The following TRAPPC9 variants were observed in gnomAD, a reference collection of about 807,000 sequenced individuals.
The protein encoded by TRAPPC9 is IKK2 binding protein.
Under a neutral mutation model 124.0 loss-of-function variants are expected in TRAPPC9, and 83 were observed. That is an observed-to-expected ratio of 0.67 (90% CI 0.56 to 0.80). The LOEUF (loss-of-function observed/expected upper bound fraction) is 0.80. Among genes scored for constraint, TRAPPC9 ranks in the 30% least tolerant of loss-of-function variants. The pLI is 0.00. For synonymous variants in TRAPPC9, 638 were observed against 617.5 expected, an observed-to-expected ratio of 1.03 and a Z score of -0.49; for missense variants, 1,302 against 1,508.3, an observed-to-expected ratio of 0.86 and a Z score of 2.27.
chr8:140,416,289 T>C (rs2069925368), intron 5 of TRAPPC9, among the ~76,000 whole-genome samples: 1 of 152,122 alleles, frequency 6.6e-6, no homozygotes, highest in South Asian at 2.1e-4. Flanking sequence ...TTTAGATGAG[T>C]TGGGCAAATT....
intron 21 of TRAPPC9, among the ~76,000 whole-genome samples, chr8:139,819,003 G>A (rs1825061395): frequency 6.6e-6 from 1 of 152,240 alleles, no homozygotes; most frequent in Admixed American, 6.5e-5. Flanking sequence ...ACCGGTCTAT[G>A]TCCCGTTAGG....
intron 18 of TRAPPC9, chr8:140,008,683 A>G (rs1353468398): frequency 2.0e-5 from 3 of 152,344 alleles, no homozygotes; most frequent in Non-Finnish European, 2.9e-5. Flanking sequence ...TGTTGTGACC[A>G]CCTGCCACCT....
At chr8:139,931,592 C>CG (rs1466848670) in intron 19 of TRAPPC9, 1 of 152,248 alleles carries the variant, frequency 6.6e-6, no homozygotes, top group African/African-American at 2.4e-5. Flanking sequence ...CTGGGCCCCG[C>CG]GGTCTGGAAA....
At chr8:140,329,360 C>T (rs2131990473) in intron 9 of TRAPPC9, among the ~76,000 whole-genome samples, 1 of 152,270 alleles carries the variant, frequency 6.6e-6, no homozygotes, top group South Asian at 2.1e-4. Flanking sequence ...AACTTTCATC[C>T]ATGCAGGAAC....
At chr8:139,823,057 A>G (rs1263711730) in intron 21 of TRAPPC9, among the ~76,000 whole-genome samples, 2 of 152,170 alleles carry the variant, frequency 1.3e-5, no homozygotes, top group Non-Finnish European at 2.9e-5. Flanking sequence ...TGATTGACTC[A>G]GGCCCCATCC....
At chr8:139,923,588 C>T (rs566333199) in intron 19 of TRAPPC9, among the ~76,000 whole-genome samples, 1 of 150,804 alleles carries the variant, frequency 6.6e-6, no homozygotes, top group Non-Finnish European at 1.5e-5. Context: ...CTCCTTCTCT[C>T]CCTGTGCTTC....
At chr8:140,088,318 C>T (rs1844335324) in intron 17 of TRAPPC9, among the ~76,000 whole-genome samples, 1 of 152,122 alleles carries the variant, frequency 6.6e-6, no homozygotes, top group Admixed American at 6.5e-5. Context: ...GATAGTTATG[C>T]AAGAAATGTG....
chr8:140,367,186 T>A (rs764080048), intron 8 of TRAPPC9, among the ~76,000 whole-genome samples: 1 of 152,150 alleles, frequency 6.6e-6, no homozygotes, highest in Non-Finnish European at 1.5e-5. Flanking sequence ...AGTAAACATA[T>A]TTTTACCATA....
intron 17 of TRAPPC9, among the ~76,000 whole-genome samples, chr8:140,107,825 G>A (rs6995104): frequency 0.78 from 117,893 of 152,084 alleles, 46,220 homozygotes; most frequent in African/African-American, 0.9. Context: ...TGGGGGTCAC[G>A]GAGGCAGCAC....
At chr8:140,152,179 G>T (rs1028855038) in intron 17 of TRAPPC9, among the ~76,000 whole-genome samples, 61 of 141,560 alleles carry the variant, frequency 4.3e-4, no homozygotes, top group African/African-American at 1.6e-3. Context: ...AATACATGTT[G>T]ACTATTCATT....
At chr8:140,225,270 T>G (rs544912990) in intron 16 of TRAPPC9, among the ~76,000 whole-genome samples, 1 of 152,166 alleles carries the variant, frequency 6.6e-6, no homozygotes, top group Non-Finnish European at 1.5e-5. Flanking sequence ...TTGTAAGCCC[T>G]CAGTAAATAG....
intron 18 of TRAPPC9, among the ~76,000 whole-genome samples, chr8:139,995,033 A>C (rs1837878881): frequency 6.6e-6 from 1 of 152,230 alleles, no homozygotes; most frequent in South Asian, 2.1e-4. Flanking sequence ...GAGTAAGCAC[A>C]ATCTACCCTG....
chr8:139,839,049 G>A (rs780416209), intron 21 of TRAPPC9, among the ~76,000 whole-genome samples: 3 of 152,198 alleles, frequency 2.0e-5, no homozygotes, highest in Non-Finnish European at 4.4e-5. Flanking sequence ...CCTGAATAAC[G>A]CCAGACGGTA....
intron 15 of TRAPPC9, among the ~76,000 whole-genome samples, chr8:140,273,061 T>C (rs1392098709): frequency 6.6e-6 from 1 of 152,190 alleles, no homozygotes; most frequent in Non-Finnish European, 1.5e-5. Flanking sequence ...GGTACCATTC[T>C]TAGTGTTATT....
rs185258598 is a variant in TRAPPC9 at position 139,910,424 on chromosome 8, C to T, written c.2811-124G>A. 377 of 1,033,538 alleles carry T rather than the reference C, an allele frequency of 3.6e-4. No individual in the cohort carries two copies. The African/African-American group carries it at 4.6e-3, about 13-fold the overall frequency. 64.0% of individuals were successfully genotyped at this position (1,033,538 alleles called of 1,614,324 possible). A position where few individuals can be genotyped will look rare whatever the true frequency, so the allele number is the denominator to read the frequency against. On this transcript the variant is annotated intron_variant, in intron 19 of 22. Transcript: ENST00000438773. ...AATCATTATCGTTAGTAATTCATAACGGATTCATTCCAAGAAAATGAAATA... is the reference window on the plus strand; with the variant it reads ...AATCATTATCGTTAGTAATTCATAATGGATTCATTCCAAGAAAATGAAATA...
At chr8:139,981,184 T>C (rs1342333461) in intron 19 of TRAPPC9, among the ~76,000 whole-genome samples, 1 of 152,130 alleles carries the variant, frequency 6.6e-6, no homozygotes, top group Non-Finnish European at 1.5e-5. Flanking sequence ...TCAGGAAAAC[T>C]GTAAAAACTG....
intron 17 of TRAPPC9, among the ~76,000 whole-genome samples, chr8:140,200,231 T>C (rs953510994): frequency 1.3e-5 from 2 of 152,202 alleles, no homozygotes; most frequent in African/African-American, 4.8e-5. Context: ...TACAGAGATG[T>C]GTAGATGCAT....
chr8:139,900,103 C>A (rs1167969801), intron 20 of TRAPPC9, among the ~76,000 whole-genome samples: 1 of 152,180 alleles, frequency 6.6e-6, no homozygotes. Context: ...CGACCCACTG[C>A]TTTTAGGACA....
At chr8:139,915,498 C>T (rs1344422113) in intron 19 of TRAPPC9, among the ~76,000 whole-genome samples, 4 of 152,182 alleles carry the variant, frequency 2.6e-5, no homozygotes, top group Non-Finnish European at 4.4e-5. Context: ...CTTCCCACCT[C>T]GGCCTCCCAA....
Sources: allele counts gnomAD v4.1 joint callset (sites outside exome capture counted in the v4.1 genomes callset), GRCh38; gene constraint gnomAD v4.1.1; transcripts MANE v1.5; gene names NCBI Gene and HGNC (gene_info 2026-07-23, HGNC 2026-07-21).